The following ZNF33B variants were observed in gnomAD, a reference collection of about 807,000 sequenced individuals.
The protein encoded by ZNF33B is zinc finger protein 11b (KOX 2).
A neutral mutation model predicts 45.8 loss-of-function variants in ZNF33B; 29 were observed. The observed-to-expected ratio is 0.63, with a 90% CI of 0.47 to 0.86. The LOEUF is 0.86. ZNF33B is among the 40% of genes least tolerant of loss of function. ZNF33B has a pLI of 0.00. For synonymous variants in ZNF33B, 305 were observed against 307.8 expected (o/e 0.99, Z 0.10); for missense variants, 831 against 909.9 (o/e 0.91, Z 1.12).
intron 4 of ZNF33B, among the ~76,000 whole-genome samples, chr10:42,608,785 TTA>T (rs1285642842): frequency 6.6e-6 from 1 of 151,432 alleles, no homozygotes; most frequent in Non-Finnish European, 1.5e-5. Flanking sequence ...AGCAGAAAGA[TTA>T]TAGAGTAAAA....
chr10:42,598,412 T>G (rs1837486409), intron 4 of ZNF33B, among the ~76,000 whole-genome samples: 1 of 152,220 alleles, frequency 6.6e-6, no homozygotes. Context: ...ACAAAGGTCA[T>G]GGCCTTGGCC....
At chr10:42,620,879 A>T (rs1838547396) in intron 4 of ZNF33B, among the ~76,000 whole-genome samples, 1 of 152,164 alleles carries the variant, frequency 6.6e-6, no homozygotes, top group Non-Finnish European at 1.5e-5. Context: ...ATAAGCTGTT[A>T]CAAGAGACAA....
Position 42,590,758 on chromosome 10 carries a change from T to C in ZNF33B, c.*1855A>G, listed in dbSNP as rs1201878845. On this transcript the variant is annotated 3_prime_UTR_variant, in exon 5 of 5. Transcript: ENST00000359467. Reference sequence around the variant, plus strand: ...TTCTTTCTAATCCTTTTGGTGACCATAGGATCAGCTATGATGGCCTCTTTC... The same window carrying C: ...TTCTTTCTAATCCTTTTGGTGACCACAGGATCAGCTATGATGGCCTCTTTC... 3 of 152,162 alleles carry C rather than the reference T, an allele frequency of 2.0e-5. No individual in the cohort carries two copies. Among genetic ancestry groups the C allele is most frequent in the Admixed American group, 6.5e-5 (1 of 15,274 alleles). 9.4% of individuals were successfully genotyped at this position (152,162 alleles called of 1,614,324 possible).
chr10:42,582,835 A>C (rs1836852402), intron 1 of ZNF33B: 1 of 286,240 alleles, frequency 3.5e-6, no homozygotes, highest in Admixed American at 4.7e-5. Flanking sequence ...CCTGGGCCCC[A>C]GGTGAGTCCC....
chr10:42,600,991 G>C (rs1284331745), intron 4 of ZNF33B, among the ~76,000 whole-genome samples: 1 of 152,194 alleles, frequency 6.6e-6, no homozygotes, highest in Non-Finnish European at 1.5e-5. Flanking sequence ...GTCTGCTGGA[G>C]AGGAAATCTT....
intron 1 of ZNF33B, among the ~76,000 whole-genome samples, chr10:42,574,924 C>T (rs756238553): frequency 3.3e-5 from 5 of 152,112 alleles, no homozygotes; most frequent in African/African-American, 1.2e-4. Context: ...AAAAGTGGTG[C>T]TGAGGGAGAT....
chr10:42,629,699 GGCT>G (rs1273881844), intron 4 of ZNF33B, among the ~76,000 whole-genome samples: 2 of 151,978 alleles, frequency 1.3e-5, no homozygotes, highest in Non-Finnish European at 2.9e-5. Context: ...TGCTCTGTTA[GGCT>G]GCTATTTGTT....
downstream of ZNF33B, among the ~76,000 whole-genome samples, chr10:42,587,982 G>A (rs910925604): frequency 6.6e-6 from 1 of 152,148 alleles, no homozygotes; most frequent in Non-Finnish European, 1.5e-5. Context: ...TCTCTCAGTT[G>A]TCTCCTGCCT....
At chr10:42,601,929 T>C (rs866239682) in intron 4 of ZNF33B, among the ~76,000 whole-genome samples, 2 of 102,434 alleles carry the variant, frequency 2.0e-5, no homozygotes, top group African/African-American at 3.0e-5. Context: ...TTTTTTTTTT[T>C]TGGGGGGAGA....
chr10:42,583,318 TG>T (rs140995912), intron 1 of ZNF33B: 20 of 430,166 alleles, frequency 4.6e-5, no homozygotes, highest in East Asian at 3.7e-4. Context: ...ACCGATTCCC[TG>T]GAACTGCCAT....
At chr10:42,610,293 T>C (rs994107259) in intron 4 of ZNF33B, among the ~76,000 whole-genome samples, 4 of 152,172 alleles carry the variant, frequency 2.6e-5, no homozygotes, top group Non-Finnish European at 4.4e-5. Flanking sequence ...CCCAGCACTT[T>C]GGAATGCCGA....
At chr10:42,575,344 G>A (rs1167451634) in intron 1 of ZNF33B, among the ~76,000 whole-genome samples, 2 of 152,118 alleles carry the variant, frequency 1.3e-5, no homozygotes, top group Non-Finnish European at 2.9e-5. Flanking sequence ...GGAGCAGCAG[G>A]AAAGAAATGA....
chr10:42,579,437 G>C (rs1002085194), intron 1 of ZNF33B, among the ~76,000 whole-genome samples: 1 of 152,164 alleles, frequency 6.6e-6, no homozygotes, highest in Non-Finnish European at 1.5e-5. Flanking sequence ...TTTTGCAACT[G>C]GTTTCTGAGT....
rs1176842435 is a variant in ZNF33B, at chr10:42,594,175, T to C, written c.775A>G (p.Ser259Gly). The change falls in exon 5 of 5, where the codon AGT becomes GGT. Residue 259 changes from serine (S) to glycine (G), a missense_variant. Transcript: ENST00000359467. ...ATCTGATGGAACAAGAGGGATGAACTATCACAGAAAGTTCTCCCAAATTCA... is the reference window on the plus strand; with the variant it reads ...ATCTGATGGAACAAGAGGGATGAACCATCACAGAAAGTTCTCCCAAATTCA... ...YNEFGRTFCD[S>G]SSLLFHQIPP... The C allele has an allele frequency of 1.2e-6, 2 of 1,613,854 alleles. No homozygotes were observed. Among genetic ancestry groups the C allele is most frequent in the Non-Finnish European group, 1.7e-6 (2 of 1,179,946 alleles).
intron 2 of ZNF33B, among the ~76,000 whole-genome samples, chr10:42,636,314 C>T (rs1839297595): frequency 6.6e-6 from 1 of 151,900 alleles, no homozygotes; most frequent in Non-Finnish European, 1.5e-5. Context: ...ATGTTATAAC[C>T]AAAAAAGGTA....
At chr10:42,637,654 GGTTT>G (rs1026808227) in intron 1 of ZNF33B, among the ~76,000 whole-genome samples, 2 of 150,464 alleles carry the variant, frequency 1.3e-5, no homozygotes, top group African/African-American at 5.0e-5. Flanking sequence ...AGGTAATTCT[GGTTT>G]TTTGTTTGTT....
chr10:42,637,120 G>A (rs1839341693), intron 1 of ZNF33B, 148 bp from the exon 2 acceptor site: 2 of 707,750 alleles, frequency 2.8e-6, no homozygotes, highest in African/African-American at 1.8e-5. Flanking sequence ...TTCGGAATAG[G>A]GGGTAGAAAT....
intron 4 of ZNF33B, among the ~76,000 whole-genome samples, chr10:42,619,074 A>G (rs1418126330): frequency 6.6e-6 from 1 of 151,938 alleles, no homozygotes; most frequent in Non-Finnish European, 1.5e-5. Flanking sequence ...GTGTTGAGTG[A>G]CATAATCAAA....
At chr10:42,584,800 C>T (rs192154006), downstream of ZNF33B, among the ~76,000 whole-genome samples, 593 of 152,306 alleles carry the variant, frequency 3.9e-3, 2 homozygotes, top group Non-Finnish European at 6.7e-3. Flanking sequence ...GGACTACAGG[C>T]GTGAGCCATT....
Sources: allele counts gnomAD v4.1 joint callset (sites outside exome capture counted in the v4.1 genomes callset), GRCh38; gene constraint gnomAD v4.1.1; transcripts MANE v1.5; gene names NCBI Gene and HGNC (gene_info 2026-07-23, HGNC 2026-07-21).